DIP2C: variants seen among roughly 807,000 people sequenced by gnomAD.
DIP2C encodes the protein DIP2 acetate--CoA ligase C (putative).
A neutral mutation model predicts 192.4 loss-of-function variants in DIP2C; 33 were observed. That is an observed-to-expected ratio of 0.17 (90% confidence interval 0.13 to 0.23). The LOEUF (loss-of-function observed/expected upper bound fraction) is 0.23, where lower values mean the gene tolerates loss of function less well. DIP2C is among the 10% of genes least tolerant of loss of function. The pLI is 1.00. For synonymous variants in DIP2C, 979 were observed against 864.1 expected (o/e 1.13, Z -2.33); for missense variants, 1,537 against 2,110.1 (o/e 0.73, Z 5.32).
intron 1 of DIP2C, among the ~76,000 whole-genome samples, chr10:599,932 C>T (rs1379519526): frequency 6.6e-6 from 1 of 152,158 alleles, no homozygotes. Context: ...CTCCTGTGTA[C>T]ACCTCAAGAG....
intron 1 of DIP2C, among the ~76,000 whole-genome samples, chr10:543,697 C>T (rs1848124966): frequency 6.6e-6 from 1 of 152,156 alleles, no homozygotes; most frequent in Admixed American, 6.5e-5. Flanking sequence ...GATACAGTCT[C>T]TTTCGCATTC....
At chr10:615,718 C>A (rs897712269) in intron 1 of DIP2C, among the ~76,000 whole-genome samples, 6 of 152,172 alleles carry the variant, frequency 3.9e-5, no homozygotes, top group Non-Finnish European at 7.3e-5. Flanking sequence ...CATGGCAACA[C>A]AGAAACCCAC....
At chr10:416,869 G>A (rs2133115550) in intron 6 of DIP2C, among the ~76,000 whole-genome samples, 1 of 152,284 alleles carries the variant, frequency 6.6e-6, no homozygotes, top group Non-Finnish European at 1.5e-5. Flanking sequence ...GCAGCTGGCA[G>A]TCCATTCCCC....
At chr10:579,637 A>G (rs976278915) in intron 1 of DIP2C, among the ~76,000 whole-genome samples, 6 of 152,130 alleles carry the variant, frequency 3.9e-5, no homozygotes, top group African/African-American at 1.4e-4. Flanking sequence ...TAACATGTAC[A>G]TGCATAGAGC....
chr10:450,153 A>AC (rs1286733883), intron 3 of DIP2C, among the ~76,000 whole-genome samples: 1 of 152,148 alleles, frequency 6.6e-6, no homozygotes, highest in Non-Finnish European at 1.5e-5. Context: ...TGTGATGTGG[A>AC]CCCGACACAA....
At position 311,335 on chromosome 10, in the gene DIP2C, C is replaced by T. The variant is rs993270269; in HGVS notation, c.3925-1243G>A. ...CCAAACTGGCAAATGAACCACTGAC[C>T]GCGCACCCCGGGAAGACAGCGTCGG... is the stretch of plus-strand genomic sequence containing the variant. On this transcript the variant is annotated intron_variant, in intron 31 of 36. Coordinates refer to ENST00000280886, the MANE Select transcript of DIP2C (RefSeq NM_014974.3). Among the ~76,000 whole-genome samples, 13 of 152,190 alleles carry T rather than the reference C, an allele frequency of 8.5e-5. 1 individual carries two copies. Among genetic ancestry groups the T allele is most frequent in the South Asian group, 8.3e-4 (4 of 4,826 alleles).
chr10:464,006 A>G lies in DIP2C; in HGVS notation c.268+8433T>C, dbSNP rs1324851710. On this transcript the variant is annotated intron_variant, in intron 3 of 36. Transcript: ENST00000280886. ...TACAAAAATTAACTCAAATTGGTTTAAAAACTTAAACGTAAGACGTAAAAC... is the reference window on the plus strand; with the variant it reads ...TACAAAAATTAACTCAAATTGGTTTGAAAACTTAAACGTAAGACGTAAAAC... Among the ~76,000 whole-genome samples the G allele has an allele frequency of 2.6e-5, 4 of 152,252 alleles. No individual in the cohort carries two copies. The East Asian group carries it at 7.7e-4, about 29-fold the overall frequency.
intron 1 of DIP2C, among the ~76,000 whole-genome samples, chr10:527,839 T>C (rs1257670385): frequency 6.6e-6 from 1 of 152,186 alleles, no homozygotes; most frequent in African/African-American, 2.4e-5. Context: ...TAATCAGCCA[T>C]CCTTCCCGTC....
chr10:548,509 G>T (rs1351221459), intron 1 of DIP2C, among the ~76,000 whole-genome samples: 1 of 87,864 alleles, frequency 1.1e-5, no homozygotes, highest in Non-Finnish European at 2.1e-5. Context: ...GTGGCCAGGA[G>T]GGAGGGAGGG....
intron 32 of DIP2C, among the ~76,000 whole-genome samples, chr10:290,463 A>C (rs552858741): frequency 1.3e-5 from 2 of 152,244 alleles, no homozygotes; most frequent in South Asian, 4.1e-4. Context: ...ACCACGGAGA[A>C]GCTCACAGCC....
At chr10:466,436 C>A (rs1970207105) in intron 3 of DIP2C, among the ~76,000 whole-genome samples, 1 of 138,954 alleles carries the variant, frequency 7.2e-6, no homozygotes. Context: ...CATAAAAACC[C>A]TAGAAGAAAA....
Position 286,258 on chromosome 10 carries a change from G to A in DIP2C, c.4119+15C>T, listed in dbSNP as rs377181019. On this transcript the variant is annotated intron_variant, in intron 34 of 36. Coordinates refer to ENST00000280886, the MANE Select transcript of DIP2C (RefSeq NM_014974.3). ...ACAGAAAAGTAACCTGGATCTCGGAGGACACTCAACTCACCTCTCCAAGGT... is the reference window on the plus strand; with the variant it reads ...ACAGAAAAGTAACCTGGATCTCGGAAGACACTCAACTCACCTCTCCAAGGT... 39 of 1,613,588 alleles carry A rather than the reference G, an allele frequency of 2.4e-5. No homozygotes were observed. The African/African-American group carries it at 4.4e-4, about 18-fold the overall frequency.
intron 10 of DIP2C, among the ~76,000 whole-genome samples, chr10:391,153 C>T (rs562634111): frequency 2.0e-5 from 3 of 152,290 alleles, no homozygotes; most frequent in Admixed American, 6.5e-5. Context: ...CAGCGGGTCG[C>T]GTTAAGAGCC....
At chr10:588,934 T>C (rs1448332758) in intron 1 of DIP2C, among the ~76,000 whole-genome samples, 1 of 152,206 alleles carries the variant, frequency 6.6e-6, no homozygotes, top group South Asian at 2.1e-4. Flanking sequence ...TGCTGAGCCG[T>C]CTGCACCATG....
chr10:489,664 TGCCCGGGGCTTCCTCC>T (rs1844291769), intron 1 of DIP2C, among the ~76,000 whole-genome samples: 2 of 149,970 alleles, frequency 1.3e-5, no homozygotes, highest in Non-Finnish European at 1.5e-5. Context: ...GCTCTGACGG[TGCCCGGGGCTTCCTCC>T]ACTTCACACT....
intron 32 of DIP2C, among the ~76,000 whole-genome samples, 200 bp downstream of exon 32, chr10:309,831 G>A (rs1485410726): frequency 6.6e-5 from 10 of 152,082 alleles, no homozygotes; most frequent in African/African-American, 1.9e-4. Flanking sequence ...GATTACAGGC[G>A]TGAGCCACCA....
intron 2 of DIP2C, among the ~76,000 whole-genome samples, chr10:474,080 C>G (rs573847975): frequency 6.6e-6 from 1 of 152,328 alleles, no homozygotes; most frequent in Admixed American, 6.5e-5. Flanking sequence ...TCATCTACAA[C>G]TGATCTTTTA....
At chr10:598,460 T>G (rs781114089) in intron 1 of DIP2C, among the ~76,000 whole-genome samples, 1 of 152,244 alleles carries the variant, frequency 6.6e-6, no homozygotes, top group Non-Finnish European at 1.5e-5. Flanking sequence ...ATCACATGCA[T>G]TTCCTGTGGG....
chr10:685,992 C>T (rs1023020061), intron 1 of DIP2C, among the ~76,000 whole-genome samples: 10 of 152,080 alleles, frequency 6.6e-5, no homozygotes, highest in Admixed American at 4.6e-4. Flanking sequence ...ATGAGTTTGT[C>T]TTTATGGGGA....
Sources: allele counts gnomAD v4.1 joint callset (sites outside exome capture counted in the v4.1 genomes callset), GRCh38; gene constraint gnomAD v4.1.1; transcripts MANE v1.5; gene names NCBI Gene and HGNC (gene_info 2026-07-23, HGNC 2026-07-21).